The following KDM4B variants were observed in gnomAD, a reference collection of about 807,000 sequenced individuals.
The protein encoded by KDM4B is lysine-specific demethylase 4B.
In KDM4B, 32 loss-of-function variants were observed where a neutral mutation model predicts 125.2. That is an observed-to-expected ratio of 0.26 (90% CI 0.19 to 0.34). The LOEUF (loss-of-function observed/expected upper bound fraction) is 0.34. Ranked by LOEUF, KDM4B falls within the 10% of genes least tolerant of loss-of-function variation. KDM4B has a pLI of 1.00. For synonymous variants in KDM4B, 721 were observed against 677.9 expected (o/e 1.06, Z -0.99); for missense variants, 1,190 against 1,577.7 (o/e 0.75, Z 4.16).
chr19:5,115,597 G>A lies in KDM4B; in HGVS notation c.1116-4056G>A, dbSNP rs377609414. On this transcript the variant is annotated intron_variant, in intron 10 of 22. Transcript: ENST00000159111. The surrounding 1 kb of genome is among the most constrained non-coding windows in gnomAD (Gnocchi z 4.2). ...AGAGGGATCAACGGCCAGGGGACCC[G>A]ACACATTGGAGGCTGCGCTCCCATG... Among the ~76,000 whole-genome samples the A allele has an allele frequency of 2.6e-4, 40 of 152,326 alleles. No homozygotes were observed. Among genetic ancestry groups the A allele is most frequent in the African/African-American group, 7.9e-4 (33 of 41,576 alleles).
At chr19:5,106,065 A>G (rs2039027795) in intron 9 of KDM4B, among the ~76,000 whole-genome samples, 2 of 152,222 alleles carry the variant, frequency 1.3e-5, no homozygotes, top group Non-Finnish European at 2.9e-5. Flanking sequence ...AGCTCTGCCC[A>G]TAATTGGGCT....
At chr19:5,072,347 T>A (rs1419634785) in intron 7 of KDM4B, among the ~76,000 whole-genome samples, 3 of 151,708 alleles carry the variant, frequency 2.0e-5, no homozygotes, top group Middle Eastern at 3.4e-3. Context: ...GGGAAGGGAG[T>A]CCTTGGGGAG....
chr19:4,981,295 G>A (rs963677146), intron 1 of KDM4B, among the ~76,000 whole-genome samples: 20 of 152,088 alleles, frequency 1.3e-4, no homozygotes, highest in Non-Finnish European at 2.6e-4. Context: ...ACCAGGGCCC[G>A]ACGGCTGTCC....
chr19:5,086,062 G>A (rs74172688), intron 9 of KDM4B, among the ~76,000 whole-genome samples: 9,640 of 152,182 alleles, frequency 0.063, 396 homozygotes, highest in Middle Eastern at 0.14. Context: ...TCCCATTTGC[G>A]TTTCGGGCCA....
chr19:5,146,596 C>T (rs1472671162), intron 21 of KDM4B, among the ~76,000 whole-genome samples: 1 of 152,140 alleles, frequency 6.6e-6, no homozygotes, highest in Non-Finnish European at 1.5e-5. Context: ...AGAATAATCC[C>T]TGCTCAGCTC....
At chr19:5,125,382 G>C (rs1231807101) in intron 11 of KDM4B, among the ~76,000 whole-genome samples, 1 of 152,146 alleles carries the variant, frequency 6.6e-6, no homozygotes, top group Non-Finnish European at 1.5e-5. Context: ...CCCTCCCCAT[G>C]CGTGGTCCTG....
chr19:5,003,582 G>C (rs907100026), intron 1 of KDM4B, among the ~76,000 whole-genome samples: 5 of 152,086 alleles, frequency 3.3e-5, no homozygotes, highest in Non-Finnish European at 5.9e-5. Context: ...GGTGAGGTGG[G>C]TGGATCCCTA....
chr19:5,151,567 G>C lies in KDM4B; in HGVS notation c.*56G>C, dbSNP rs956555792. On this transcript the variant is annotated 3_prime_UTR_variant, in exon 23 of 23. Coordinates refer to ENST00000159111, the MANE Select transcript of KDM4B (RefSeq NM_015015.3). ...CGGCGGGGAGGCCATGGCATGCCCC[G>C]GGCGTTCGCTTGCTGTGAATTCCTG... 2 of 1,272,050 alleles carry C rather than the reference G, an allele frequency of 1.6e-6. No homozygotes were observed. The highest frequency in any genetic ancestry group is 4.5e-5 in the South Asian group (2 of 44,042). 78.8% of individuals were successfully genotyped at this position (1,272,050 alleles called of 1,614,324 possible).
Position 5,153,185 on chromosome 19 carries a change from C to A in KDM4B, c.*1674C>A, listed in dbSNP as rs2039976547. The A allele has an allele frequency of 6.6e-6, 1 of 151,952 alleles. No individual in the cohort carries two copies. Among genetic ancestry groups the A allele is most frequent in the African/African-American group, 2.4e-5 (1 of 41,370 alleles). The allele number at this position is 151,952 out of a possible 1,614,324, so 9.4% of individuals were successfully genotyped here. On this transcript the variant is annotated 3_prime_UTR_variant, in exon 23 of 23. Transcript: ENST00000159111. Reference sequence around the variant, plus strand: ...CTTGGTGGGGGAGGGGGGCGGTTGCCCTGGAGAGGGCCGGGGTCGGGGAGG... The same window carrying A: ...CTTGGTGGGGGAGGGGGGCGGTTGCACTGGAGAGGGCCGGGGTCGGGGAGG...
At chr19:4,986,803 C>T (rs191380739) in intron 1 of KDM4B, among the ~76,000 whole-genome samples, 158 of 152,328 alleles carry the variant, frequency 1.0e-3, no homozygotes, top group African/African-American at 3.4e-3. Flanking sequence ...GGCCCCAAGG[C>T]GGAACGAGGC....
intron 6 of KDM4B, among the ~76,000 whole-genome samples, chr19:5,057,749 G>A (rs1220485545): frequency 1.3e-5 from 2 of 152,210 alleles, no homozygotes; most frequent in Non-Finnish European, 2.9e-5. Context: ...GTGCCAGGAC[G>A]ATGTGCAGCC....
intron 9 of KDM4B, among the ~76,000 whole-genome samples, chr19:5,108,603 AG>A (rs1482143394): frequency 6.6e-6 from 1 of 152,318 alleles, no homozygotes; most frequent in Non-Finnish European, 1.5e-5. Flanking sequence ...CCACCTGGAA[AG>A]GTTTGTCAGG....
chr19:4,996,396 A>AG (rs2035201621), intron 1 of KDM4B, among the ~76,000 whole-genome samples: 1 of 151,902 alleles, frequency 6.6e-6, no homozygotes, highest in East Asian at 1.9e-4. Flanking sequence ...TGTTTTTGAG[A>AG]GGGGGACCTG....
intron 1 of KDM4B, among the ~76,000 whole-genome samples, chr19:4,969,519 G>T (rs1355892905): frequency 6.7e-6 from 1 of 150,090 alleles, no homozygotes; most frequent in African/African-American, 2.4e-5. Context: ...GGCCGGGGGC[G>T]CGCGGGGGCT....
At chr19:5,100,102 C>T (rs2038902215) in intron 9 of KDM4B, among the ~76,000 whole-genome samples, 1 of 152,202 alleles carries the variant, frequency 6.6e-6, no homozygotes, top group Non-Finnish European at 1.5e-5. Context: ...TGGTGTGGGA[C>T]CTGTTTTTCT....
At chr19:5,102,620 G>C (rs962725809) in intron 9 of KDM4B, among the ~76,000 whole-genome samples, 1 of 152,186 alleles carries the variant, frequency 6.6e-6, no homozygotes, top group African/African-American at 2.4e-5. Flanking sequence ...TGCTGTTGGC[G>C]TTGGGAGGGA....
rs528383845 is a variant in KDM4B at position 5,135,418 on chromosome 19, A to G, written c.2165A>G (p.Gln722Arg). Residue 722 changes from glutamine (Q) to arginine (R), a missense_variant, in exon 15 of 23, where the codon CAG becomes CGG. Around this residue, in one of 7 missense-constraint regions of KDM4B, gnomAD observed 128 missense variants for 137.8 expected, o/e 0.93. Coordinates refer to ENST00000159111, the MANE Select transcript of KDM4B (RefSeq NM_015015.3). ...CPATLPSKSR[Q>R]KTRPLIPEMC... Reference sequence around the variant, plus strand: ...GCCACATTACCCTCCAAAAGCCGTCAGAAGACCCGACCGCTCATCCCTGAG... The same window carrying G: ...GCCACATTACCCTCCAAAAGCCGTCGGAAGACCCGACCGCTCATCCCTGAG... 26 of 1,613,692 alleles carry G rather than the reference A, an allele frequency of 1.6e-5. No homozygotes were observed. In the South Asian group the frequency reaches 2.5e-4, roughly 16 times the overall value.
In KDM4B at chr19:5,141,433, C is replaced by G. The variant is rs2146092823; in HGVS notation, c.2551-2534C>G. 1 of 152,356 alleles carries G rather than the reference C, an allele frequency of 6.6e-6. No individual in the cohort carries two copies. The highest frequency in any genetic ancestry group is 2.4e-5 in the African/African-American group (1 of 41,566). The allele number at this position is 152,356 out of a possible 1,614,324, so 9.4% of individuals were successfully genotyped here. A position where few individuals can be genotyped will look rare whatever the true frequency, so the allele number is the denominator to read the frequency against. On this transcript the variant is annotated intron_variant, in intron 18 of 22. Transcript: ENST00000159111. This position sits in a 1 kb window ranked among gnomAD's most constrained non-coding sequence, Gnocchi z 6.4. ...TCCTGCCCGACGCCTTATGGATCATCTGACATTTCCAGAACGCAGCCTCTT... is the reference window on the plus strand; with the variant it reads ...TCCTGCCCGACGCCTTATGGATCATGTGACATTTCCAGAACGCAGCCTCTT...
intron 1 of KDM4B, among the ~76,000 whole-genome samples, chr19:4,978,781 C>G (rs112048805): frequency 0.014 from 2,151 of 152,234 alleles, 67 homozygotes; most frequent in African/African-American, 0.049. Flanking sequence ...GTGGTCAGGC[C>G]CAGGCTGGTG....
Sources: allele counts gnomAD v4.1 joint callset (sites outside exome capture counted in the v4.1 genomes callset), GRCh38; gene constraint gnomAD v4.1.1; regional missense constraint gnomAD v4.1.1; non-coding constraint Gnocchi (gnomAD v3.1); transcripts MANE v1.5; gene names NCBI Gene and HGNC (gene_info 2026-07-23, HGNC 2026-07-21).